Variants in SYNE1 observed in about 807,000 individuals in gnomAD.
The protein encoded by SYNE1 is spectrin repeat containing nuclear envelope protein 1.
SYNE1 carries 616 observed loss-of-function variants against 1,111.0 expected under a neutral mutation model. The observed-to-expected ratio is 0.55, with a 90% CI of 0.52 to 0.59. The LOEUF is 0.59. SYNE1 is among the 20% of genes least tolerant of loss of function. The probability of loss-of-function intolerance (pLI) is 0.00; values close to 1 mark genes in which losing one functional copy is unlikely to be tolerated. For synonymous variants in SYNE1, 3,855 were observed against 3,825.8 expected (o/e 1.01, Z -0.28); for missense variants, 10,006 against 10,417.0 (o/e 0.96, Z 1.72).
In SYNE1 at chr6:152,395,538, A is replaced by G. The variant is rs2097719089; in HGVS notation, c.7690T>C (p.Leu2564=). Residue 2564 remains leucine, a synonymous_variant, in exon 51 of 146, where the codon TTG becomes CTG. Transcript: ENST00000367255. ...TACCTTGCAGCCAGCAGTTCTCCCA[A>G]AAACATTTCAACTTTATGAACTTCA... The part of the protein sequence containing the change: ...KNEVHKVEMF[L]GELLAARESL... 1.2e-6 allele frequency: 2 copies of G among 1,613,986 alleles called. No homozygotes were observed. Among genetic ancestry groups the G allele is most frequent in the South Asian group, 1.1e-5 (1 of 91,064 alleles).
At chr6:152,498,616 T>C (rs922132027) in intron 11 of SYNE1, 126 bp downstream of exon 11, 10 of 558,794 alleles carry the variant, frequency 1.8e-5, no homozygotes, top group South Asian at 3.6e-5. Flanking sequence ...GAAACGCAAA[T>C]GATGTGATTA....
intron 22 of SYNE1, chr6:152,456,706 T>G: frequency 4.4e-6 from 2 of 450,006 alleles, no homozygotes; most frequent in African/African-American, 2.0e-5. Context: ...GCAATTGTGA[T>G]TTTGGCAGTA....
At position 152,331,575 on chromosome 6, in the gene SYNE1, G is replaced by C; in HGVS notation, c.13110C>G (p.Ala4370=). The part of the protein sequence containing the change: ...AEEQQPNIAE[A]LKQSPPPDMA... ...TATCTGGAGGAGGGCTCTGCTTAAGGGCCTCGGCGATGTTGGGTTGTTGCT... is the reference window on the plus strand; with the variant it reads ...TATCTGGAGGAGGGCTCTGCTTAAGCGCCTCGGCGATGTTGGGTTGTTGCT... The change falls in exon 78 of 146, where the codon GCC becomes GCG. Residue 4370 remains alanine (A), a synonymous_variant. Coordinates refer to ENST00000367255, the MANE Select transcript of SYNE1 (RefSeq NM_182961.4). 7 of 1,614,104 alleles carry C rather than the reference G, an allele frequency of 4.3e-6. No individual in the cohort carries two copies. The highest frequency in any genetic ancestry group is 5.9e-6 in the Non-Finnish European group (7 of 1,180,014).
At chr6:152,567,693 G>GA (rs928562970) in intron 3 of SYNE1, among the ~76,000 whole-genome samples, 9 of 151,678 alleles carry the variant, frequency 5.9e-5, no homozygotes, top group East Asian at 1.9e-4. Flanking sequence ...CAAAATCCAA[G>GA]AAAAAAAAGT....
chr6:152,251,627 C>T (rs979681236), intron 104 of SYNE1, among the ~76,000 whole-genome samples: 1 of 150,750 alleles, frequency 6.6e-6, no homozygotes, highest in South Asian at 2.1e-4. Context: ...GGCGTAGTGG[C>T]GGGCGCCTGT....
chr6:152,208,672 A>C (rs915829124), intron 124 of SYNE1, among the ~76,000 whole-genome samples: 1 of 152,218 alleles, frequency 6.6e-6, no homozygotes, highest in African/African-American at 2.4e-5. Flanking sequence ...AAGCCACTTG[A>C]ATCAAATTAT....
At chr6:152,300,320 C>T (rs533757678) in intron 93 of SYNE1, among the ~76,000 whole-genome samples, 74 of 152,280 alleles carry the variant, frequency 4.9e-4, no homozygotes, top group Admixed American at 1.4e-3. Context: ...TGACACACAT[C>T]TTTTATTTTC....
In SYNE1 at chr6:152,381,369, T is replaced by C. The variant is rs755161961; in HGVS notation, c.8653-7A>G. 19 of 1,612,442 alleles carry C rather than the reference T, an allele frequency of 1.2e-5. No individual in the cohort carries two copies. Among genetic ancestry groups the C allele is most frequent in the Admixed American group, 5.0e-5 (3 of 60,004 alleles). ...CTCTGGAATCTATCAGCTCCTGTAA[T>C]GGAATATCACCATGGTAACTGAAGA... is the stretch of plus-strand genomic sequence containing the variant. On this transcript the variant is annotated splice_polypyrimidine_tract_variant and splice_region_variant and intron_variant, in intron 55 of 145. Coordinates refer to ENST00000367255, the MANE Select transcript of SYNE1 (RefSeq NM_182961.4).
At chr6:152,268,505 A>G (rs1419388158) in intron 99 of SYNE1, among the ~76,000 whole-genome samples, 2 of 152,162 alleles carry the variant, frequency 1.3e-5, no homozygotes, top group Non-Finnish European at 2.9e-5. Flanking sequence ...CTAAAAGGAT[A>G]GATCCTTGGG....
At chr6:152,147,120 C>G (rs2059641965) in intron 137 of SYNE1, 1 of 152,316 alleles carries the variant, frequency 6.6e-6, no homozygotes, top group African/African-American at 2.4e-5. Flanking sequence ...GCATCTTTCA[C>G]CAAGATGCCC....
chr6:152,141,937 G>A (rs904369270), intron 138 of SYNE1, among the ~76,000 whole-genome samples: 3 of 152,012 alleles, frequency 2.0e-5, no homozygotes, highest in African/African-American at 7.2e-5. Flanking sequence ...CAGGCGTGGT[G>A]GTGAGCACCT....
intron 3 of SYNE1, among the ~76,000 whole-genome samples, chr6:152,563,053 T>TACACAC (rs34506864): frequency 2.4e-4 from 35 of 148,902 alleles, no homozygotes; most frequent in South Asian, 2.1e-3. Flanking sequence ...GGAAAAAGAG[T>TACACAC]ACACACACAC....
intron 34 of SYNE1, among the ~76,000 whole-genome samples, chr6:152,433,362 C>A (rs1416229509): frequency 6.6e-6 from 1 of 152,122 alleles, no homozygotes; most frequent in Non-Finnish European, 1.5e-5. Flanking sequence ...AAGAAAGATG[C>A]TTTTCAAACT....
chr6:152,377,708 T>C (rs1283870377), intron 56 of SYNE1, among the ~76,000 whole-genome samples: 1 of 145,410 alleles, frequency 6.9e-6, no homozygotes, highest in East Asian at 2.0e-4. Flanking sequence ...TGATTTTATG[T>C]TGTATATACA....
intron 16 of SYNE1, among the ~76,000 whole-genome samples, chr6:152,467,773 G>T (rs1401064018): frequency 2.0e-5 from 3 of 152,052 alleles, no homozygotes; most frequent in African/African-American, 4.8e-5. Flanking sequence ...AAGACTGGAT[G>T]ATTAATTTTT....
intron 84 of SYNE1, 55 bp from the exon 85 acceptor site, chr6:152,319,070 A>T: frequency 1.2e-6 from 2 of 1,604,358 alleles, no homozygotes; most frequent in East Asian, 4.5e-5. Flanking sequence ...TGAATAATAG[A>T]TACTAAAAAT....
chr6:152,511,473 A>T, intron 6 of SYNE1: 3 of 1,055,284 alleles, frequency 2.8e-6, no homozygotes, highest in Non-Finnish European at 4.4e-6. Context: ...GTTTAAGAAG[A>T]TGCACTTACT....
intron 4 of SYNE1, among the ~76,000 whole-genome samples, chr6:152,538,839 A>C (rs1457297550): frequency 6.6e-6 from 1 of 151,202 alleles, no homozygotes; most frequent in Non-Finnish European, 1.5e-5. Context: ...AGGAAAGATG[A>C]CCCTGGTTTA....
chr6:152,170,577 A>C (rs1314841030), intron 130 of SYNE1, among the ~76,000 whole-genome samples: 1 of 152,182 alleles, frequency 6.6e-6, no homozygotes, highest in African/African-American at 2.4e-5. Context: ...CTTCCGACTC[A>C]AACACCCTTA....
Sources: gnomAD v4.1 joint callset for allele counts (sites outside exome capture counted in the v4.1 genomes callset) on GRCh38, gnomAD v4.1.1 for gene constraint, MANE v1.5 for transcripts, NCBI Gene and HGNC (gene_info 2026-07-23, HGNC 2026-07-21) for gene names.